The following SZT2 variants were observed in gnomAD, a reference collection of about 807,000 sequenced individuals.
SZT2 encodes SZT2 subunit of KICSTOR complex, also known as KICSTOR complex protein SZT2.
Under a neutral mutation model 404.2 loss-of-function variants are expected in SZT2, and 216 were observed. The observed-to-expected ratio is 0.53, with a 90% confidence interval of 0.48 to 0.60. The LOEUF is 0.60. Ranked by LOEUF, SZT2 falls within the 20% of genes least tolerant of loss-of-function variation. The pLI, the probability that SZT2 is intolerant of heterozygous loss-of-function variation, is 0.00. For missense variants in SZT2, 3,857 were observed against 4,459.2 expected (o/e 0.86, Z 3.85); for synonymous variants, 1,693 against 1,749.9 (o/e 0.97, Z 0.81).
At chr1:43,398,658 C>A (rs1158311649) in intron 1 of SZT2, among the ~76,000 whole-genome samples, 2 of 152,162 alleles carry the variant, frequency 1.3e-5, no homozygotes, top group Non-Finnish European at 2.9e-5. Flanking sequence ...TGATTTCCTT[C>A]TTTGCCAATA....
rs141332214 is a variant in SZT2, at chr1:43,427,364, C to G, written c.3517C>G (p.Pro1173Ala). 5.6e-6 allele frequency: 9 copies of G among 1,613,946 alleles called. No individual in the cohort carries two copies. Among genetic ancestry groups the G allele is most frequent in the Non-Finnish European group, 7.6e-6 (9 of 1,180,014 alleles). Reference protein sequence around the residue: ...KPKFGDWSGAPSLKDLGGTGI... With the variant: ...KPKFGDWSGAASLKDLGGTGI... ...TAAGTTTGGGGATTGGAGTGGGGCT[C>G]CCAGTCTGAAAGATCTAGGAGGAAC... The change falls in exon 25 of 72, where the codon CCC becomes GCC. Residue 1173 changes from proline (P) to alanine (A), a missense_variant. Pro to Ala is a conservative substitution (Grantham distance 27, BLOSUM62 -1). This residue lies in a region of SZT2 where 1,725 missense variants were observed against 1,881.0 expected (regional missense o/e 0.92). Coordinates refer to ENST00000634258, the MANE Select transcript of SZT2 (RefSeq NM_001365999.1).
In SZT2 at chr1:43,453,094, G is replaced by T; in HGVS notation, c.*2614G>T. ...CCTACCCTGCTCCCACAGCTTCCTGGAATAGGCCTGTCCTCAAATGCATCA... is the reference window on the plus strand; with the variant it reads ...CCTACCCTGCTCCCACAGCTTCCTGTAATAGGCCTGTCCTCAAATGCATCA... On this transcript the variant is annotated 3_prime_UTR_variant, in exon 72 of 72. Coordinates refer to ENST00000634258, the MANE Select transcript of SZT2 (RefSeq NM_001365999.1). 1.3e-6 allele frequency: 1 copy of T among 791,708 alleles called. No individual in the cohort carries two copies. Among genetic ancestry groups the T allele is most frequent in the Non-Finnish European group, 2.2e-6 (1 of 455,424 alleles). 49.0% of individuals were successfully genotyped at this position (791,708 alleles called of 1,614,324 possible). A position where few individuals can be genotyped will look rare whatever the true frequency, so the allele number is the denominator to read the frequency against.
At chr1:43,447,249 T>TC in intron 66 of SZT2, 81 bp downstream of exon 66, 1 of 1,437,768 alleles carries the variant, frequency 7.0e-7, no homozygotes, top group Non-Finnish European at 9.4e-7. Context: ...TGGGACCACC[T>TC]CCCTGGACAA....
rs780738838 is a variant in SZT2 at position 43,424,734 on chromosome 1, G to T, written c.2472-50G>T. 6.6e-7 allele frequency: 1 copy of T among 1,512,550 alleles called. No individual in the cohort carries two copies. The highest frequency in any genetic ancestry group is 1.1e-5 in the South Asian group (1 of 88,154). The allele number at this position is 1,512,550 out of a possible 1,614,324, so 93.7% of individuals were successfully genotyped here. On this transcript the variant is annotated intron_variant, in intron 16 of 71. Transcript: ENST00000634258. This position sits in a 1 kb window ranked among gnomAD's most constrained non-coding sequence, Gnocchi z 4.1. ...TGTGGGGAGAGCTTGTAGTCTCAGT[G>T]TCTCTTCTTCCCTTATCCTGGCCTT...
Position 43,431,392 on chromosome 1 carries a change from T to C in SZT2, c.5024+20T>C. 6.2e-7 allele frequency: 1 copy of C among 1,612,890 alleles called. No individual in the cohort carries two copies. The highest frequency in any genetic ancestry group is 8.5e-7 in the Non-Finnish European group (1 of 1,178,872). ...GGAGAGGTACTTCTTTATCTCCCTG[T>C]CAGAGTTCATTACTGCTTTTCAATT... On this transcript the variant is annotated intron_variant, in intron 34 of 71. Transcript: ENST00000634258.
chr1:43,446,136 G>A (rs1249508709), intron 63 of SZT2, 43 bp from the exon 64 acceptor site: 1 of 1,611,640 alleles, frequency 6.2e-7, no homozygotes, highest in Non-Finnish European at 8.5e-7. Context: ...CTGATTCGAG[G>A]CTGGTGAGCC....
chr1:43,452,481 G>C lies in SZT2; in HGVS notation c.*2001G>C, dbSNP rs1656553536. The C allele has an allele frequency of 1.4e-6, 1 of 709,464 alleles. No homozygotes were observed. The allele number at this position is 709,464 out of a possible 1,614,324, so 43.9% of individuals were successfully genotyped here. A position where few individuals can be genotyped will look rare whatever the true frequency, so the allele number is the denominator to read the frequency against. On this transcript the variant is annotated 3_prime_UTR_variant, in exon 72 of 72. Transcript: ENST00000634258. Reference sequence around the variant, plus strand: ...TCCCAGCACTTTCAGAGACACTTCAGTGATGGCTGAGGGGCAAGCCCTTTC... The same window carrying C: ...TCCCAGCACTTTCAGAGACACTTCACTGATGGCTGAGGGGCAAGCCCTTTC...
rs781034439 is a variant in SZT2, at chr1:43,450,492, G to A, written c.*12G>A. On this transcript the variant is annotated 3_prime_UTR_variant, in exon 72 of 72. Transcript: ENST00000634258. The surrounding 1 kb of genome is among the most constrained non-coding windows in gnomAD (Gnocchi z 4.3). ...CCCGCCTCCTCTGAGGGAGTGGACT[G>A]GACCACTGAATGTCACTGTTCCTTG... 4.3e-6 allele frequency: 7 copies of A among 1,613,940 alleles called. No homozygotes were observed. Among genetic ancestry groups the A allele is most frequent in the Non-Finnish European group, 5.9e-6 (7 of 1,179,932 alleles).
rs770868937 is a variant in SZT2 at position 43,451,914 on chromosome 1, G to T, written c.*1434G>T. Reference sequence around the variant, plus strand: ...ACAGGAATCAAAAGGGACAGAAGGAGAGACAGGGCTGGGGTCGTACCCTGC... The same window carrying T: ...ACAGGAATCAAAAGGGACAGAAGGATAGACAGGGCTGGGGTCGTACCCTGC... On this transcript the variant is annotated 3_prime_UTR_variant, in exon 72 of 72. Coordinates refer to ENST00000634258, the MANE Select transcript of SZT2 (RefSeq NM_001365999.1). 1.9e-6 allele frequency: 3 copies of T among 1,613,326 alleles called. No individual in the cohort carries two copies. Among genetic ancestry groups the T allele is most frequent in the South Asian group, 1.1e-5 (1 of 91,070 alleles).
intron 42 of SZT2, chr1:43,436,533 A>T (rs1029172819): frequency 6.6e-6 from 1 of 152,264 alleles, no homozygotes; most frequent in Non-Finnish European, 1.5e-5. Context: ...CTGCCTTTAC[A>T]CAGAAACTTC....
At position 43,426,723 on chromosome 1, in the gene SZT2, G is replaced by T. The variant is rs1377990456; in HGVS notation, c.3223G>T (p.Gly1075Trp). The T allele has an allele frequency of 1.2e-5, 19 of 1,611,350 alleles. No individual in the cohort carries two copies. The highest frequency in any genetic ancestry group is 1.5e-5 in the Non-Finnish European group (18 of 1,178,870). The part of the protein sequence containing the change: ...RRTCHVPGAE[G>W]PLLGVHGIPK... ...CTCTACCCCCATTGTAGGTGCCGAG[G>T]GGCCACTGCTGGGGGTTCATGGGAT... Residue 1075 changes from glycine to tryptophan, a missense_variant, in exon 23 of 72, where the codon GGG becomes TGG. Coordinates refer to ENST00000634258, the MANE Select transcript of SZT2 (RefSeq NM_001365999.1). This position sits in a 1 kb window ranked among gnomAD's most constrained non-coding sequence, Gnocchi z 4.9.
Position 43,448,385 on chromosome 1 carries a change from T to C in SZT2, c.9870T>C (p.Pro3290=). The change falls in exon 69 of 72, where the codon CCT becomes CCC. Residue 3290 remains proline (P), a synonymous_variant. Coordinates refer to ENST00000634258, the MANE Select transcript of SZT2 (RefSeq NM_001365999.1). The surrounding 1 kb of genome is among the most constrained non-coding windows in gnomAD (Gnocchi z 4.2). ...TCTTCTTGCTGGAGCCACCGGGGCCTGATCGACTGCGGCTAGGGGGGCGCC... is the reference window on the plus strand; with the variant it reads ...TCTTCTTGCTGGAGCCACCGGGGCCCGATCGACTGCGGCTAGGGGGGCGCC... ...KRLFLLEPPG[P]DRLRLGGRLA... 1 of 1,565,540 alleles carries C rather than the reference T, an allele frequency of 6.4e-7. No homozygotes were observed. The highest frequency in any genetic ancestry group is 8.7e-7 in the Non-Finnish European group (1 of 1,154,934).
In SZT2 at chr1:43,427,633, G is replaced by T; in HGVS notation, c.3702G>T (p.Arg1234=). The change falls in exon 26 of 72, where the codon CGG becomes CGT. Residue 1234 remains arginine, a synonymous_variant. Coordinates refer to ENST00000634258, the MANE Select transcript of SZT2 (RefSeq NM_001365999.1). ...ASQTESADGP[R]TRCPVYIYSC... is the part of the protein sequence containing the mutation. ...AGACAGAGAGTGCGGATGGGCCCCG[G>T]ACCCGGTGTCCTGTCTACATCTACA... 6.2e-7 allele frequency: 1 copy of T among 1,614,202 alleles called. No homozygotes were observed. Among genetic ancestry groups the T allele is most frequent in the Non-Finnish European group, 8.5e-7 (1 of 1,180,046 alleles).
intron 3 of SZT2, 182 bp downstream of exon 3, chr1:43,403,956 TC>T: frequency 2.9e-6 from 2 of 687,970 alleles, no homozygotes; most frequent in Non-Finnish European, 4.8e-6. Flanking sequence ...ATGCCTACAA[TC>T]CCAGTGCTTT....
chr1:43,394,596 G>A (rs1648769903), intron 1 of SZT2, among the ~76,000 whole-genome samples: 2 of 152,124 alleles, frequency 1.3e-5, no homozygotes, highest in Admixed American at 1.3e-4. Context: ...TATAGTTGTT[G>A]GGCTGGGCGC....
chr1:43,396,617 C>T (rs905550571), intron 1 of SZT2, among the ~76,000 whole-genome samples: 1 of 152,202 alleles, frequency 6.6e-6, no homozygotes, highest in African/African-American at 2.4e-5. Flanking sequence ...CATTTATACA[C>T]GTTACTTTTT....
intron 11 of SZT2, 129 bp downstream of exon 11, chr1:43,421,432 C>A (rs899726385): frequency 7.6e-7 from 1 of 1,319,154 alleles, no homozygotes. Context: ...GAAGCCCAAG[C>A]TTTAACCTTG....
chr1:43,442,437 T>G lies in SZT2; in HGVS notation c.7975-5T>G. On this transcript the variant is annotated splice_region_variant and splice_polypyrimidine_tract_variant and intron_variant, in intron 57 of 71. Coordinates refer to ENST00000634258, the MANE Select transcript of SZT2 (RefSeq NM_001365999.1). The surrounding 1 kb of genome is among the most constrained non-coding windows in gnomAD (Gnocchi z 4.5). ...ATCTCACTGACCCTGACCCCCGACC[T>G]CCAGCTACAGCTGCTGACCTACAAC... The G allele has an allele frequency of 6.2e-7, 1 of 1,612,468 alleles. No individual in the cohort carries two copies. Among genetic ancestry groups the G allele is most frequent in the South Asian group, 1.1e-5 (1 of 90,906 alleles).
Position 43,453,820 on chromosome 1 carries a change from T to G in SZT2, c.*3340T>G. The G allele has an allele frequency of 8.1e-7, 1 of 1,231,006 alleles. No homozygotes were observed. Among genetic ancestry groups the G allele is most frequent in the Non-Finnish European group, 1.0e-6 (1 of 989,914 alleles). 76.3% of individuals were successfully genotyped at this position (1,231,006 alleles called of 1,614,324 possible). ...CCTGGGGAGGCCGGGCCGGGCGGAG[T>G]CCGCGGGATCCAAAGGCGGCGGGCG... On this transcript the variant is annotated 3_prime_UTR_variant, in exon 72 of 72. Transcript: ENST00000634258.
Sources: gnomAD v4.1 joint callset for allele counts (sites outside exome capture counted in the v4.1 genomes callset) on GRCh38, gnomAD v4.1.1 for gene constraint, gnomAD v4.1.1 regional missense constraint, Gnocchi (gnomAD v3.1) non-coding constraint, MANE v1.5 for transcripts, NCBI Gene and HGNC (gene_info 2026-07-23, HGNC 2026-07-21) for gene names.